The following SNPH variants were observed in gnomAD, a reference collection of about 807,000 sequenced individuals.
The protein encoded by SNPH is syntaphilin.
A neutral mutation model predicts 36.8 loss-of-function variants in SNPH; 10 were observed. The observed-to-expected ratio is 0.27, with a 90% CI of 0.17 to 0.46. The LOEUF (loss-of-function observed/expected upper bound fraction) is 0.46, where lower values mean the gene tolerates loss of function less well. SNPH is among the 20% of genes least tolerant of loss of function. The pLI, the probability that SNPH is intolerant of heterozygous loss-of-function variation, is 1.00. For synonymous variants in SNPH, 281 were observed against 312.2 expected, an observed-to-expected ratio of 0.90 and a Z score of 1.05; for missense variants, 622 against 744.0, an observed-to-expected ratio of 0.84 and a Z score of 1.91.
chr20:1,267,154 C>T (rs1275907601), intron 2 of SNPH, among the ~76,000 whole-genome samples: 1 of 151,568 alleles, frequency 6.6e-6, no homozygotes, highest in African/African-American at 2.4e-5. Flanking sequence ...ACCCCCACCC[C>T]AAGGTCAAGT....
chr20:1,303,418 T>C (rs79723411), intron 6 of SNPH, among the ~76,000 whole-genome samples: 2,721 of 152,316 alleles, frequency 0.018, 35 homozygotes, highest in Non-Finnish European at 0.028. Context: ...CAGTTCCTTC[T>C]TTCAAACTCA....
chr20:1,306,040 G>A lies in SNPH; in HGVS notation c.1603G>A (p.Gly535Ser), dbSNP rs763338119. ...GCCGAGTCCCAGCCCAGCGGGCGGC[G>A]GCTCCCAGCTCTGAGGGGGCCCATT... ...SQPSPSPAGG[G>S]SQL Residue 535 changes from glycine to serine, a missense_variant, in exon 7 of 7, where the codon GGC (glycine) becomes AGC (serine). By Grantham distance (56) the Gly-to-Ser change is moderately conservative. Around this residue, in one of 3 missense-constraint regions of SNPH, gnomAD observed 379 missense variants for 427.9 expected, o/e 0.89. Transcript: ENST00000381867. 374 of 1,473,044 alleles carry A rather than the reference G, an allele frequency of 2.5e-4. No homozygotes were observed. Among genetic ancestry groups the A allele is most frequent in the Non-Finnish European group, 3.0e-4 (339 of 1,113,252 alleles). The allele number at this position is 1,473,044 out of a possible 1,614,324, so 91.2% of individuals were successfully genotyped here.
intron 2 of SNPH, among the ~76,000 whole-genome samples, chr20:1,291,626 AAG>A: frequency 1.4e-5 from 2 of 138,072 alleles, no homozygotes; most frequent in South Asian, 4.9e-4. Context: ...TACCTTGGCA[AAG>A]AGAGGATCCC....
At chr20:1,278,066 GTGTATC>G (rs949260890) in intron 2 of SNPH, among the ~76,000 whole-genome samples, 1 of 125,446 alleles carries the variant, frequency 8.0e-6, no homozygotes. Context: ...GTGTCTGTGT[GTGTATC>G]TGTGTGTGTC....
chr20:1,305,747 A>G lies in SNPH; in HGVS notation c.1310A>G (p.Asn437Ser). The change falls in exon 7 of 7, where the codon AAC becomes AGC. Residue 437 changes from asparagine (N) to serine (S), a missense_variant. Physicochemically the swap from Asn to Ser is conservative, Grantham distance 46. Coordinates refer to ENST00000381867, the MANE Select transcript of SNPH (RefSeq NM_001318234.2). Reference sequence around the variant, plus strand: ...CCACAGCGGCCTGGTGCCAACCCCAACCCTGGCCAGTCGGTGAGCGTGGTG... The same window carrying G: ...CCACAGCGGCCTGGTGCCAACCCCAGCCCTGGCCAGTCGGTGAGCGTGGTG... The part of the protein sequence containing the change: ...PTPQRPGANP[N>S]PGQSVSVVCP... The G allele has an allele frequency of 6.2e-7, 1 of 1,611,570 alleles. No individual in the cohort carries two copies. Among genetic ancestry groups the G allele is most frequent in the Non-Finnish European group, 8.5e-7 (1 of 1,179,340 alleles).
chr20:1,298,350 T>C (rs934239593), intron 5 of SNPH, among the ~76,000 whole-genome samples: 1 of 152,128 alleles, frequency 6.6e-6, no homozygotes, highest in African/African-American at 2.4e-5. Flanking sequence ...CTGGAGCACC[T>C]CCTGGGAGGA....
intron 2 of SNPH, among the ~76,000 whole-genome samples, chr20:1,272,728 G>A (rs1273501469): frequency 6.6e-6 from 1 of 152,264 alleles, no homozygotes; most frequent in African/African-American, 2.4e-5. Flanking sequence ...TGGAAAGGCA[G>A]CCTAGGCCAG....
At position 1,266,771 on chromosome 20, in the gene SNPH, C is replaced by T. The variant is rs2088010796; in HGVS notation, c.-493+11C>T. On this transcript the variant is annotated intron_variant, in intron 2 of 6. Coordinates refer to ENST00000381867, the MANE Select transcript of SNPH (RefSeq NM_001318234.2). The surrounding 1 kb of genome is among the most constrained non-coding windows in gnomAD (Gnocchi z 6.0). ...GGCCAGTGGACTCAGGTGAGGAGGC[C>T]GCGGCGGAGCGGGGAGCTGGCCCTG... 3.7e-6 allele frequency: 5 copies of T among 1,346,360 alleles called. No homozygotes were observed. Among genetic ancestry groups the T allele is most frequent in the African/African-American group, 3.1e-5 (2 of 64,960 alleles). The allele number at this position is 1,346,360 out of a possible 1,614,324, so 83.4% of individuals were successfully genotyped here. A position where few individuals can be genotyped will look rare whatever the true frequency, so the allele number is the denominator to read the frequency against.
At chr20:1,289,115 T>C (rs929475441) in intron 2 of SNPH, among the ~76,000 whole-genome samples, 4 of 152,140 alleles carry the variant, frequency 2.6e-5, no homozygotes, top group East Asian at 1.9e-4. Context: ...AGGTCTACTG[T>C]ATTATGAGAC....
In SNPH at chr20:1,276,915, G is replaced by A. The variant is rs979660769; in HGVS notation, c.-493+10155G>A. Among the ~76,000 whole-genome samples, 9 of 152,188 alleles carry A rather than the reference G, an allele frequency of 5.9e-5. No homozygotes were observed. The highest frequency in any genetic ancestry group is 1.7e-4 in the African/African-American group (7 of 41,444). On this transcript the variant is annotated intron_variant, in intron 2 of 6. Coordinates refer to ENST00000381867, the MANE Select transcript of SNPH (RefSeq NM_001318234.2). The surrounding 1 kb of genome is among the most constrained non-coding windows in gnomAD (Gnocchi z 4.6). The stretch of plus-strand genomic sequence containing the variant: ...TCTGTGAAGACTTGACTCAGATCTC[G>A]TTGGTCAATTATTAGAAATCAGTTG...
chr20:1,293,067 G>A (rs4814066), intron 2 of SNPH, among the ~76,000 whole-genome samples: 27,086 of 152,208 alleles, frequency 0.18, 3,074 homozygotes, highest in East Asian at 0.51. Flanking sequence ...ACCATATGAG[G>A]TGCATTCATT....
At chr20:1,275,139 GGAGCCACTCGCTTCCTCA>G (rs1342550382) in intron 2 of SNPH, among the ~76,000 whole-genome samples, 1 of 152,178 alleles carries the variant, frequency 6.6e-6, no homozygotes, top group Non-Finnish European at 1.5e-5. Flanking sequence ...GGGCCTTCTG[GGAGCCACTCGCTTCCTCA>G]GAGCCAGGCC....
At position 1,305,289 on chromosome 20, in the gene SNPH, G is replaced by A. The variant is rs3795139; in HGVS notation, c.852G>A (p.Gly284=). 498,270 of 1,609,480 alleles carry A rather than the reference G, an allele frequency of 0.31. 80,034 individuals carry two copies. Among genetic ancestry groups the A allele is most frequent in the East Asian group, 0.54 (24,381 of 44,808 alleles). ...GDPSSGSAED[G]ADSGFAAADD... is the part of the protein sequence containing the mutation. ...CCTCCAGCGGCTCTGCTGAGGATGG[G>A]GCAGACAGTGGCTTTGCAGCAGCCG... The change falls in exon 7 of 7, where the codon GGG becomes GGA. Residue 284 remains glycine, a synonymous_variant. Coordinates refer to ENST00000381867, the MANE Select transcript of SNPH (RefSeq NM_001318234.2).
In SNPH at chr20:1,295,945, G is replaced by T; in HGVS notation, c.-295G>T. On this transcript the variant is annotated 5_prime_UTR_variant, in exon 4 of 7. Transcript: ENST00000381867. ...GTGTGGGTCTGAGTATCAGGGTCCTGGGGAAGAAGCAGGCCTGGCTCGTAG... is the reference window on the plus strand; with the variant it reads ...GTGTGGGTCTGAGTATCAGGGTCCTTGGGAAGAAGCAGGCCTGGCTCGTAG... 1 of 373,660 alleles carries T rather than the reference G, an allele frequency of 2.7e-6. No homozygotes were observed. The highest frequency in any genetic ancestry group is 4.7e-6 in the Non-Finnish European group (1 of 210,630). 23.1% of individuals were successfully genotyped at this position (373,660 alleles called of 1,614,324 possible).
At chr20:1,284,768 A>G (rs73073666) in intron 2 of SNPH, among the ~76,000 whole-genome samples, 9 of 152,126 alleles carry the variant, frequency 5.9e-5, no homozygotes, top group Non-Finnish European at 1.3e-4. Flanking sequence ...GGGAGAGGTG[A>G]TGAGGTCAAA....
rs575848488 is a variant in SNPH, at chr20:1,306,006, G to A, written c.1569G>A (p.Ser523=). The A allele has an allele frequency of 3.9e-6, 6 of 1,525,034 alleles. No homozygotes were observed. The highest frequency in any genetic ancestry group is 4.9e-5 in the East Asian group (2 of 40,758). The allele number at this position is 1,525,034 out of a possible 1,614,324, so 94.5% of individuals were successfully genotyped here. A position where few individuals can be genotyped will look rare whatever the true frequency, so the allele number is the denominator to read the frequency against. ...CCATCCGCAGGATCAGCTGCCGCTC[G>A]CTGAGCCAGCCGAGTCCCAGCCCAG... The part of the protein sequence containing the change: ...LHSIRRISCR[S]LSQPSPSPAG... Residue 523 remains serine (S), a synonymous_variant, in exon 7 of 7, where the codon TCG becomes TCA. Transcript: ENST00000381867.
rs1257296275 is a variant in SNPH at position 1,307,036 on chromosome 20, G to A, written c.*982G>A. 6.6e-6 allele frequency: 1 copy of A among 152,646 alleles called. No individual in the cohort carries two copies. Among genetic ancestry groups the A allele is most frequent in the Non-Finnish European group, 1.5e-5 (1 of 68,098 alleles). The allele number at this position is 152,646 out of a possible 1,614,324, so 9.5% of individuals were successfully genotyped here. On this transcript the variant is annotated 3_prime_UTR_variant, in exon 7 of 7. Coordinates refer to ENST00000381867, the MANE Select transcript of SNPH (RefSeq NM_001318234.2). ...AGGCCATGACTGCCCCCAGAAACTT[G>A]CCCCGAGTTTCTCTGGGGCCCTCGG... is the stretch of plus-strand genomic sequence containing the variant.
intron 2 of SNPH, among the ~76,000 whole-genome samples, chr20:1,282,369 A>G (rs1190978063): frequency 6.6e-6 from 1 of 152,242 alleles, no homozygotes; most frequent in East Asian, 1.9e-4. Context: ...ATGGAATACT[A>G]TGCAGCCCAT....
intron 3 of SNPH, among the ~76,000 whole-genome samples, chr20:1,295,555 C>T (rs1253288664): frequency 6.6e-6 from 1 of 152,220 alleles, no homozygotes; most frequent in African/African-American, 2.4e-5. Context: ...AACCAGCATG[C>T]GCATTACATG....
Sources: allele counts gnomAD v4.1 joint callset (sites outside exome capture counted in the v4.1 genomes callset), GRCh38; gene constraint gnomAD v4.1.1; regional missense constraint gnomAD v4.1.1; non-coding constraint Gnocchi (gnomAD v3.1); transcripts MANE v1.5; gene names NCBI Gene and HGNC (gene_info 2026-07-23, HGNC 2026-07-21).